The following EIF6 variants were observed in gnomAD, a reference collection of about 807,000 sequenced individuals.
EIF6 encodes B4 integrin interactor.
EIF6 carries 10 observed loss-of-function variants against 25.5 expected under a neutral mutation model. The observed-to-expected ratio is 0.39, with a 90% CI of 0.24 to 0.66. The LOEUF (loss-of-function observed/expected upper bound fraction) is 0.66, where lower values mean the gene tolerates loss of function less well. Among genes scored for constraint, EIF6 ranks in the 30% least tolerant of loss-of-function variants. EIF6 has a pLI of 0.45. For missense variants in EIF6, 246 were observed against 315.4 expected (o/e 0.78, Z 1.67); for synonymous variants, 122 against 122.6 (o/e 1.00, Z 0.03).
In EIF6 at chr20:35,279,657, T is replaced by C. The variant is rs1414714108; in HGVS notation, c.637A>G (p.Thr213Ala). ...CAFCGLDTTS[T>A]ELSVVESVFK... ...ACACTCTCCACCACTGACAGCTCTG[T>C]GCTGGTTGTGTCCAGGCCACAGAAG... The change falls in exon 6 of 7, where the codon ACA (threonine) becomes GCA (alanine). Residue 213 changes from threonine to alanine, a missense_variant. Physicochemically the swap from Thr to Ala is moderately conservative, Grantham distance 58. Transcript: ENST00000374450. The C allele has an allele frequency of 1.2e-6, 2 of 1,614,228 alleles. No homozygotes were observed. The highest frequency in any genetic ancestry group is 1.7e-6 in the Non-Finnish European group (2 of 1,180,048).
In EIF6 at chr20:35,280,691, T is replaced by C; in HGVS notation, c.332A>G (p.Asn111Ser). 2 of 1,613,796 alleles carry C rather than the reference T, an allele frequency of 1.2e-6. No homozygotes were observed. The highest frequency in any genetic ancestry group is 2.2e-5 in the East Asian group (1 of 44,878). Residue 111 changes from asparagine to serine, a missense_variant, in exon 4 of 7, where the codon AAT (asparagine) becomes AGT (serine). Transcript: ENST00000374450. ...LSALGNVTTC[N>S]DYVALVHPDL... ...TGGGTGGACCAAGGCCACGTAGTCA[T>C]TGCAGGTGGTGACATTGCCCAAGGC... is the stretch of plus-strand genomic sequence containing the variant.
chr20:35,284,255 G>C lies in EIF6; in HGVS notation c.114C>G (p.Phe38Leu). ...GGATGGTATCGGAGAGCTCGCCCTCGAACACACTGTAGGGACATGGACTCG... is the reference window on the plus strand; with the variant it reads ...GGATGGTATCGGAGAGCTCGCCCTCCAACACACTGTAGGGACATGGACTCG... Reference protein sequence around the residue: ...IGGSENFYSVFEGELSDTIPV... With the variant: ...IGGSENFYSVLEGELSDTIPV... The change falls in exon 3 of 7, where the codon TTC (phenylalanine) becomes TTG (leucine). Residue 38 changes from phenylalanine (F) to leucine (L), a missense_variant. By Grantham distance (22) the Phe-to-Leu change is conservative. Coordinates refer to ENST00000374450, the MANE Select transcript of EIF6 (RefSeq NM_002212.4). 6.2e-7 allele frequency: 1 copy of C among 1,613,270 alleles called. No individual in the cohort carries two copies. The highest frequency in any genetic ancestry group is 8.5e-7 in the Non-Finnish European group (1 of 1,179,948).
chr20:35,282,390 A>G lies in EIF6; in HGVS notation c.194-1561T>C, dbSNP rs76870986. Reference sequence around the variant, plus strand: ...TATACTTACACAAAACACACCATACAGCAACAAGAATGAACAATCTACAAA... The same window carrying G: ...TATACTTACACAAAACACACCATACGGCAACAAGAATGAACAATCTACAAA... On this transcript the variant is annotated intron_variant, in intron 3 of 6. Coordinates refer to ENST00000374450, the MANE Select transcript of EIF6 (RefSeq NM_002212.4). Among the ~76,000 whole-genome samples the G allele has an allele frequency of 6.9e-3, 1,049 of 152,328 alleles. 5 individuals carry two copies. Among genetic ancestry groups the G allele is most frequent in the African/African-American group, 0.024 (988 of 41,582 alleles).
In EIF6 at chr20:35,279,765, C is replaced by G; in HGVS notation, c.547-18G>C. The G allele has an allele frequency of 6.2e-7, 1 of 1,612,778 alleles. No homozygotes were observed. Among genetic ancestry groups the G allele is most frequent in the Non-Finnish European group, 8.5e-7 (1 of 1,178,912 alleles). On this transcript the variant is annotated intron_variant, in intron 5 of 6. Transcript: ENST00000374450. ...GTCCCCGCCTGCCAAGGGATGGGCT[C>G]AATGTGAGTCACGGCACCAAATTCT...
rs1252608332 is a variant in EIF6 at position 35,284,470 on chromosome 20, C to T, written c.18G>A (p.Ser6=). 4 of 1,608,450 alleles carry T rather than the reference C, an allele frequency of 2.5e-6. No individual in the cohort carries two copies. Among genetic ancestry groups the T allele is most frequent in the Non-Finnish European group, 3.4e-6 (4 of 1,175,638 alleles). Residue 6 remains serine (S), a synonymous_variant, in exon 2 of 7, where the codon TCG becomes TCA. Transcript: ENST00000374450. MAVRA[S]FENNCEIGCF... is the part of the protein sequence containing the mutation. ...AGCCGATCTCACAGTTGTTCTCGAA[C>T]GAAGCTCGGACCGCCATGAGGCCTA...
chr20:35,280,553 C>T (rs2060765220), intron 4 of EIF6, 101 bp downstream of exon 4: 1 of 1,423,550 alleles, frequency 7.0e-7, no homozygotes, highest in African/African-American at 1.4e-5. Context: ...TATAGAAAAA[C>T]CACAGGAGAG....
intron 3 of EIF6, 22 bp from the exon 4 acceptor site, chr20:35,280,851 G>A (rs1427029125): frequency 6.2e-7 from 1 of 1,612,062 alleles, no homozygotes; most frequent in African/African-American, 1.3e-5. Flanking sequence ...CAAATTAGAG[G>A]GTGAATACAC....
In EIF6 at chr20:35,284,720, G is replaced by C; in HGVS notation, c.-6+6C>G. The C allele has an allele frequency of 7.0e-6, 4 of 571,004 alleles. No homozygotes were observed. The highest frequency in any genetic ancestry group is 2.9e-5 in the East Asian group (1 of 34,880). 35.4% of individuals were successfully genotyped at this position (571,004 alleles called of 1,614,324 possible). On this transcript the variant is annotated splice_donor_region_variant and intron_variant, in intron 1 of 6. Transcript: ENST00000374450. ...ACCCTCCCAGGTTCCCCTCACACCA[G>C]CTTACCAAGTAACCAGTAACAAGCT...
In EIF6 at chr20:35,278,925, GA is replaced by G; in HGVS notation, c.*271del. On this transcript the variant is annotated 3_prime_UTR_variant, in exon 7 of 7. Coordinates refer to ENST00000374450, the MANE Select transcript of EIF6 (RefSeq NM_002212.4). ...CAAACATCACATTCAGAATGGCCCG[GA>G]GGGAACTGCACTTTAATGGGGTGGC... 1 of 534,538 alleles carries G rather than the reference GA, an allele frequency of 1.9e-6. No homozygotes were observed. The highest frequency in any genetic ancestry group is 3.4e-6 in the Non-Finnish European group (1 of 295,410). The allele number at this position is 534,538 out of a possible 1,614,324, so 33.1% of individuals were successfully genotyped here.
At position 35,279,093 on chromosome 20, in the gene EIF6, T is replaced by G; in HGVS notation, c.*104A>C. On this transcript the variant is annotated 3_prime_UTR_variant, in exon 7 of 7. Coordinates refer to ENST00000374450, the MANE Select transcript of EIF6 (RefSeq NM_002212.4). ...GCCCAGCCCCTCAGTCCCAGTGAGCTCTCTGCCACCTCCCTGCCAGCATCC... is the reference window on the plus strand; with the variant it reads ...GCCCAGCCCCTCAGTCCCAGTGAGCGCTCTGCCACCTCCCTGCCAGCATCC... 5 of 1,495,634 alleles carry G rather than the reference T, an allele frequency of 3.3e-6. No homozygotes were observed. Among genetic ancestry groups the G allele is most frequent in the Non-Finnish European group, 4.6e-6 (5 of 1,078,096 alleles). 92.6% of individuals were successfully genotyped at this position (1,495,634 alleles called of 1,614,324 possible).
Position 35,279,948 on chromosome 20 carries a change from G to C in EIF6, c.540C>G (p.Pro180=), listed in dbSNP as rs1321488075. 2.5e-6 allele frequency: 4 copies of C among 1,613,894 alleles called. No homozygotes were observed. Among genetic ancestry groups the C allele is most frequent in the Admixed American group, 3.3e-5 (2 of 60,008 alleles). Residue 180 remains proline, a synonymous_variant, in exon 5 of 7, where the codon CCC becomes CCG. Coordinates refer to ENST00000374450, the MANE Select transcript of EIF6 (RefSeq NM_002212.4). ...QDELSSLLQV[P]LVAGTVNRGS... is the part of the protein sequence containing the mutation. ...AGAGGACAGGAATGCTTACCACAAG[G>C]GGGACTTGAAGAAGAGAGGACAGCT...
At position 35,284,508 on chromosome 20, in the gene EIF6, G is replaced by T; in HGVS notation, c.-5-16C>A. Reference sequence around the variant, plus strand: ...GCCATGAGGCCTAGGGGCGGCGGAGGCGGGAGTTCAAGGCCGGCGGATCCT... The same window carrying T: ...GCCATGAGGCCTAGGGGCGGCGGAGTCGGGAGTTCAAGGCCGGCGGATCCT... On this transcript the variant is annotated splice_polypyrimidine_tract_variant and intron_variant, in intron 1 of 6. Coordinates refer to ENST00000374450, the MANE Select transcript of EIF6 (RefSeq NM_002212.4). 1.3e-6 allele frequency: 2 copies of T among 1,582,058 alleles called. No individual in the cohort carries two copies. Among genetic ancestry groups the T allele is most frequent in the Middle Eastern group, 1.7e-4 (1 of 5,934 alleles).
In EIF6 at chr20:35,284,273, T is replaced by A. The variant is rs150792205; in HGVS notation, c.108-12A>T. Reference sequence around the variant, plus strand: ...CGCCCTCGAACACACTGTAGGGACATGGACTCGGTGGTGGCGGGGCAGAGG... The same window carrying A: ...CGCCCTCGAACACACTGTAGGGACAAGGACTCGGTGGTGGCGGGGCAGAGG... On this transcript the variant is annotated splice_polypyrimidine_tract_variant and intron_variant, in intron 2 of 6. Coordinates refer to ENST00000374450, the MANE Select transcript of EIF6 (RefSeq NM_002212.4). The A allele has an allele frequency of 1.2e-6, 2 of 1,613,746 alleles. No homozygotes were observed. The highest frequency in any genetic ancestry group is 2.2e-5 in the South Asian group (2 of 91,068).
intron 2 of EIF6, 52 bp downstream of exon 2, chr20:35,284,329 G>C (rs1466419362): frequency 6.2e-7 from 1 of 1,613,738 alleles, no homozygotes; most frequent in Non-Finnish European, 8.5e-7. Flanking sequence ...CGGAGCTCTT[G>C]ACTCCTGCGC....
intron 5 of EIF6, 94 bp downstream of exon 5, chr20:35,279,848 G>C: frequency 6.3e-7 from 1 of 1,587,446 alleles, no homozygotes; most frequent in Non-Finnish European, 8.6e-7. Flanking sequence ...TGCAGCCCCA[G>C]TCCCAAACTG....
chr20:35,279,908 C>A, intron 5 of EIF6, 34 bp downstream of exon 5: 1 of 1,605,280 alleles, frequency 6.2e-7, no homozygotes, highest in Non-Finnish European at 8.5e-7. Flanking sequence ...GGATCTGCCT[C>A]GGGAGACGGG....
chr20:35,281,390 AAAAAAAAACAAAAAAAC>A (rs1265227722), intron 3 of EIF6, among the ~76,000 whole-genome samples: 52 of 151,444 alleles, frequency 3.4e-4, no homozygotes, highest in South Asian at 2.1e-4. Flanking sequence ...CGTCTCCAAA[AAAAAAAAACAAAAAAAC>A]AAAAAAAACT....
In EIF6 at chr20:35,280,599, C is replaced by T. The variant is rs565592113; in HGVS notation, c.369+55G>A. 3.2e-5 allele frequency: 51 copies of T among 1,586,386 alleles called. No homozygotes were observed. In the Admixed American group the frequency reaches 8.1e-4, roughly 25 times the overall value. The stretch of plus-strand genomic sequence containing the variant: ...GCTGCCTGTTGGGAAAGAACAGTGG[C>T]TAACCACTGACTAGGATGGCCCTGT... On this transcript the variant is annotated intron_variant, in intron 4 of 6. Transcript: ENST00000374450.
intron 6 of EIF6, 105 bp from the exon 7 acceptor site, chr20:35,279,311 A>G (rs1344395157): frequency 1.4e-6 from 2 of 1,474,480 alleles, no homozygotes; most frequent in African/African-American, 1.4e-5. Context: ...AGCTCTGACA[A>G]GCTGCTCAAG....
Sources: gnomAD v4.1 joint callset for allele counts (sites outside exome capture counted in the v4.1 genomes callset) on GRCh38, gnomAD v4.1.1 for gene constraint, MANE v1.5 for transcripts, NCBI Gene and HGNC (gene_info 2026-07-23, HGNC 2026-07-21) for gene names.